AP2A2: variants seen among roughly 807,000 people sequenced by gnomAD.
The protein encoded by AP2A2 is adaptor related protein complex 2 subunit alpha 2, also known as AP-2 complex subunit alpha-2.
A neutral mutation model predicts 104.2 loss-of-function variants in AP2A2; 32 were observed. That is an observed-to-expected ratio of 0.31 (90% CI 0.23 to 0.41). AP2A2 has a LOEUF of 0.41. Among genes scored for constraint, AP2A2 ranks in the 10% least tolerant of loss-of-function variants. AP2A2 has a pLI of 1.00. For synonymous variants in AP2A2, 539 were observed against 533.3 expected (o/e 1.01, Z -0.15); for missense variants, 912 against 1,261.0 (o/e 0.72, Z 4.19).
rs752323607 is a variant in AP2A2 at position 992,888 on chromosome 11, C to A, written c.1452+203C>A. ...GTTTCTTCTCACCCTAACTCTCAAA[C>A]TTCTGGCTCTCTGGGGGCCACCTGA... On this transcript the variant is annotated intron_variant, in intron 11 of 21. Coordinates refer to ENST00000448903, the MANE Select transcript of AP2A2 (RefSeq NM_012305.4). The surrounding 1 kb of genome is among the most constrained non-coding windows in gnomAD (Gnocchi z 6.4). 6.6e-6 allele frequency among the ~76,000 whole-genome samples: 1 copy of A among 152,146 alleles called. No individual in the cohort carries two copies. Among genetic ancestry groups the A allele is most frequent in the African/African-American group, 2.4e-5 (1 of 41,440 alleles).
At chr11:1,006,730 C>T (rs1357612456) in intron 17 of AP2A2, 113 bp downstream of exon 17, 35 of 790,226 alleles carry the variant, frequency 4.4e-5, no homozygotes, top group Non-Finnish European at 3.8e-5. Context: ...GAGATAATTC[C>T]AGATGCTATA....
rs934509608 is a variant in AP2A2, at chr11:968,006, C to A, written c.137-2163C>A. 1.8e-4 allele frequency among the ~76,000 whole-genome samples: 28 copies of A among 152,316 alleles called. No individual in the cohort carries two copies. Among genetic ancestry groups the A allele is most frequent in the African/African-American group, 6.3e-4 (26 of 41,576 alleles). ...GGGTCCTTTCAGGAGGGATAAACTT[C>A]ACAGTGGCACCTGCCAGGGGAGCTG... On this transcript the variant is annotated intron_variant, in intron 2 of 21. Coordinates refer to ENST00000448903, the MANE Select transcript of AP2A2 (RefSeq NM_012305.4). The surrounding 1 kb of genome is among the most constrained non-coding windows in gnomAD (Gnocchi z 4.2).
chr11:1,010,520 C>T (rs775455493), intron 21 of AP2A2, 28 bp from the exon 22 acceptor site: 10 of 1,560,380 alleles, frequency 6.4e-6, no homozygotes, highest in East Asian at 4.7e-5. Flanking sequence ...TCGGCGTGCC[C>T]GTTGACCTGC....
At chr11:935,514 C>T (rs1033347980) in intron 1 of AP2A2, among the ~76,000 whole-genome samples, 1 of 151,350 alleles carries the variant, frequency 6.6e-6, no homozygotes, top group Non-Finnish European at 1.5e-5. Context: ...GTTGGCCAGG[C>T]TGGTCTTGAA....
chr11:1,001,686 G>A (rs1856035095), intron 15 of AP2A2, among the ~76,000 whole-genome samples: 1 of 152,046 alleles, frequency 6.6e-6, no homozygotes, highest in Non-Finnish European at 1.5e-5. Context: ...AGGTTGCAGG[G>A]CTCTGGTGGT....
intron 1 of AP2A2, 31 bp downstream of exon 1, chr11:926,119 C>A: frequency 1.6e-6 from 2 of 1,248,440 alleles, no homozygotes; most frequent in South Asian, 3.0e-5. Context: ...GGGGCCGGGG[C>A]CGGGGCCGCC....
Position 1,011,103 on chromosome 11 carries a change from T to A in AP2A2, c.*478T>A. 1.7e-6 allele frequency: 1 copy of A among 590,206 alleles called. No individual in the cohort carries two copies. Among genetic ancestry groups the A allele is most frequent in the Non-Finnish European group, 3.3e-6 (1 of 306,842 alleles). 36.6% of individuals were successfully genotyped at this position (590,206 alleles called of 1,614,324 possible). ...CCTGGGCCCTTGGGAGGAGCACAGC[T>A]GACCCTGGTTTTGCTGCAGTCCCAG... On this transcript the variant is annotated 3_prime_UTR_variant, in exon 22 of 22. Coordinates refer to ENST00000448903, the MANE Select transcript of AP2A2 (RefSeq NM_012305.4).
intron 15 of AP2A2, among the ~76,000 whole-genome samples, chr11:1,002,466 T>C (rs1342630535): frequency 6.6e-6 from 1 of 152,250 alleles, no homozygotes; most frequent in Non-Finnish European, 1.5e-5. Flanking sequence ...AAGCTTCGCA[T>C]GTGGCTGCAG....
intron 20 of AP2A2, 92 bp downstream of exon 20, chr11:1,009,489 A>AT: frequency 7.9e-7 from 1 of 1,266,638 alleles, no homozygotes; most frequent in East Asian, 3.2e-5. Context: ...CACGCAGCCC[A>AT]TGACCCCGCG....
intron 1 of AP2A2, among the ~76,000 whole-genome samples, chr11:932,173 G>A (rs1402190273): frequency 6.6e-6 from 1 of 152,154 alleles, no homozygotes; most frequent in Non-Finnish European, 1.5e-5. Flanking sequence ...GGCTGGTCTC[G>A]AACTCTTGGC....
rs568429480 is a variant in AP2A2 at position 990,238 on chromosome 11, G to A, written c.1269+1549G>A. Reference sequence around the variant, plus strand: ...CTGGGAAGTTGAGGGGGACAGGGACGGGGTGGGCTGACTCCCGGCAGGAGG... The same window carrying A: ...CTGGGAAGTTGAGGGGGACAGGGACAGGGTGGGCTGACTCCCGGCAGGAGG... On this transcript the variant is annotated intron_variant, in intron 10 of 21. Coordinates refer to ENST00000448903, the MANE Select transcript of AP2A2 (RefSeq NM_012305.4). Among the ~76,000 whole-genome samples, 7 of 152,336 alleles carry A rather than the reference G, an allele frequency of 4.6e-5. No individual in the cohort carries two copies. In the South Asian group the frequency reaches 1.0e-3, roughly 23 times the overall value.
In AP2A2 at chr11:992,804, C is replaced by T. The variant is rs1855705403; in HGVS notation, c.1452+119C>T. On this transcript the variant is annotated intron_variant, in intron 11 of 21. Coordinates refer to ENST00000448903, the MANE Select transcript of AP2A2 (RefSeq NM_012305.4). This position sits in a 1 kb window ranked among gnomAD's most constrained non-coding sequence, Gnocchi z 6.4. ...AGGGCCGTTGCTGACCCCTCTTGCC[C>T]CTCAGCTCTTCCCTGAGGCTCTAGC... 9.5e-7 allele frequency: 1 copy of T among 1,058,152 alleles called. No individual in the cohort carries two copies. Among genetic ancestry groups the T allele is most frequent in the Admixed American group, 2.0e-5 (1 of 49,356 alleles). 65.5% of individuals were successfully genotyped at this position (1,058,152 alleles called of 1,614,324 possible).
intron 9 of AP2A2, among the ~76,000 whole-genome samples, chr11:987,627 C>T (rs1275206345): frequency 6.6e-6 from 1 of 151,210 alleles, no homozygotes; most frequent in Admixed American, 6.6e-5. Context: ...TGCACTCCAG[C>T]GTGGGCGACA....
intron 10 of AP2A2, among the ~76,000 whole-genome samples, chr11:991,766 G>T (rs1455654814): frequency 1.3e-5 from 2 of 150,612 alleles, no homozygotes; most frequent in Non-Finnish European, 3.0e-5. Context: ...AGAGGGGGCG[G>T]CAGGGTGTGG....
In AP2A2 at chr11:1,010,925, G is replaced by C; in HGVS notation, c.*300G>C. On this transcript the variant is annotated 3_prime_UTR_variant, in exon 22 of 22. Transcript: ENST00000448903. ...ACAAATTAAAGGGAAATTAGAAGTT[G>C]GCGTGAACGTGGCGTTTGTGGGAGT... The C allele has an allele frequency of 1.4e-6, 1 of 705,112 alleles. No individual in the cohort carries two copies. 43.7% of individuals were successfully genotyped at this position (705,112 alleles called of 1,614,324 possible).
intron 1 of AP2A2, among the ~76,000 whole-genome samples, chr11:955,068 C>A (rs1362060670): frequency 2.0e-5 from 3 of 152,208 alleles, no homozygotes; most frequent in Non-Finnish European, 2.9e-5. Flanking sequence ...AGAGTGGTTT[C>A]TTTCCCTGGT....
chr11:947,596 G>C (rs1853892186), intron 1 of AP2A2, among the ~76,000 whole-genome samples: 1 of 151,810 alleles, frequency 6.6e-6, no homozygotes, highest in South Asian at 2.1e-4. Context: ...GGGAGTTCGA[G>C]ACCAGCCTGG....
chr11:927,985 C>T (rs956297608), intron 1 of AP2A2, among the ~76,000 whole-genome samples: 29 of 152,286 alleles, frequency 1.9e-4, no homozygotes, highest in African/African-American at 7.0e-4. Flanking sequence ...ACTGAGTACC[C>T]TTAAATGCGC....
At chr11:977,350 G>T in intron 5 of AP2A2, 126 bp downstream of exon 5, 1 of 1,281,524 alleles carries the variant, frequency 7.8e-7, no homozygotes, top group Non-Finnish European at 1.1e-6. Flanking sequence ...TGCTGTGGCT[G>T]CGTGCTGAGG....
Sources: gnomAD v4.1 joint callset for allele counts (sites outside exome capture counted in the v4.1 genomes callset) on GRCh38, gnomAD v4.1.1 for gene constraint, Gnocchi (gnomAD v3.1) non-coding constraint, MANE v1.5 for transcripts, NCBI Gene and HGNC (gene_info 2026-07-23, HGNC 2026-07-21) for gene names.